Variants in CACNA1D observed in about 807,000 individuals in gnomAD.
CACNA1D encodes calcium voltage-gated channel subunit alpha1 D.
A neutral mutation model predicts 257.1 loss-of-function variants in CACNA1D; 55 were observed. That is an observed-to-expected ratio of 0.21 (90% CI 0.17 to 0.27). The LOEUF (loss-of-function observed/expected upper bound fraction) is 0.27, where lower values mean the gene tolerates loss of function less well. Among genes scored for constraint, CACNA1D ranks in the 10% least tolerant of loss-of-function variants. The pLI, the probability that CACNA1D is intolerant of heterozygous loss-of-function variation, is 1.00. For synonymous variants in CACNA1D, 980 were observed against 1,014.9 expected (o/e 0.97, Z 0.65); for missense variants, 1,876 against 2,784.0 (o/e 0.67, Z 7.34).
At chr3:53,511,183 T>C (rs775472137) in intron 3 of CACNA1D, among the ~76,000 whole-genome samples, 4 of 152,180 alleles carry the variant, frequency 2.6e-5, no homozygotes, top group African/African-American at 4.8e-5. Context: ...TTATGGTGTT[T>C]AGGGTTTGTG....
At chr3:53,806,177 CCCT>C (rs2095564755) in intron 45 of CACNA1D, among the ~76,000 whole-genome samples, 1 of 95,194 alleles carries the variant, frequency 1.1e-5, no homozygotes, top group Non-Finnish European at 2.5e-5. Flanking sequence ...CCCCTCTCCT[CCCT>C]CCTCCTCCCT....
At chr3:53,701,033 A>T (rs2094620405) in intron 8 of CACNA1D, among the ~76,000 whole-genome samples, 1 of 151,746 alleles carries the variant, frequency 6.6e-6, no homozygotes, top group South Asian at 2.1e-4. Flanking sequence ...CCAGTTTCTT[A>T]TCTGAAGTAT....
intron 3 of CACNA1D, among the ~76,000 whole-genome samples, chr3:53,614,201 C>G (rs1026898594): frequency 1.3e-5 from 2 of 151,848 alleles, no homozygotes; most frequent in Admixed American, 1.3e-4. Flanking sequence ...GACATCGTCC[C>G]GGGGCTGAGA....
intron 20 of CACNA1D, among the ~76,000 whole-genome samples, chr3:53,738,729 A>C (rs928111060): frequency 1.3e-5 from 2 of 152,052 alleles, no homozygotes; most frequent in East Asian, 3.9e-4. Context: ...AGTGTTTTGT[A>C]TGTTTTTTAA....
At chr3:53,614,856 C>A (rs920737002) in intron 3 of CACNA1D, among the ~76,000 whole-genome samples, 1 of 152,184 alleles carries the variant, frequency 6.6e-6, no homozygotes, top group Non-Finnish European at 1.5e-5. Context: ...CCAAGAGTCA[C>A]CATACTCCTT....
rs748013427 is a variant in CACNA1D at position 53,772,907 on chromosome 3, C to T, written c.4110+9C>T. 6.2e-7 allele frequency: 1 copy of T among 1,612,872 alleles called. No homozygotes were observed. The highest frequency in any genetic ancestry group is 8.5e-7 in the Non-Finnish European group (1 of 1,179,004). Reference sequence around the variant, plus strand: ...CGGTCATTGGCATGCAGGTAAGCTCCAGCCATCTCGCCCTCAGGGGCCCTT... The same window carrying T: ...CGGTCATTGGCATGCAGGTAAGCTCTAGCCATCTCGCCCTCAGGGGCCCTT... On this transcript the variant is annotated intron_variant, in intron 33 of 47. Transcript: ENST00000350061.
intron 37 of CACNA1D, among the ~76,000 whole-genome samples, chr3:53,777,347 G>A (rs2095403487): frequency 6.6e-6 from 1 of 152,204 alleles, no homozygotes; most frequent in Non-Finnish European, 1.5e-5. Flanking sequence ...GAAGGCCCCA[G>A]GTACAAGCTG....
At chr3:53,731,187 T>C (rs2094988592) in intron 17 of CACNA1D, 41 bp downstream of exon 17, 1 of 1,166,064 alleles carries the variant, frequency 8.6e-7, no homozygotes, top group African/African-American at 1.5e-5. Context: ...TGTTTCAAAA[T>C]GATCCTGTTG....
chr3:53,782,256 G>GTATATA (rs1219704709), intron 39 of CACNA1D: 1 of 56,148 alleles, frequency 1.8e-5, no homozygotes, highest in African/African-American at 8.3e-5. Context: ...GTGTGTGTGT[G>GTATATA]TGTGTGTGTA....
At chr3:53,532,346 C>T (rs1229540623) in intron 3 of CACNA1D, among the ~76,000 whole-genome samples, 1 of 152,160 alleles carries the variant, frequency 6.6e-6, no homozygotes, top group East Asian at 1.9e-4. Context: ...TGATTATTCT[C>T]AGTTATGGAG....
At chr3:53,668,501 G>A (rs1217549142) in intron 7 of CACNA1D, among the ~76,000 whole-genome samples, 6 of 152,158 alleles carry the variant, frequency 3.9e-5, no homozygotes, top group Non-Finnish European at 7.3e-5. Flanking sequence ...AAATTACACA[G>A]CATCTTTATT....
At position 53,538,141 on chromosome 3, in the gene CACNA1D, GTT is replaced by G. The variant is rs538996336; in HGVS notation, c.483+36446_483+36447del. Among the ~76,000 whole-genome samples the G allele has an allele frequency of 1.9e-3, 171 of 90,440 alleles. 1 individual carries two copies. Among genetic ancestry groups the G allele is most frequent in the African/African-American group, 9.7e-3 (161 of 16,646 alleles). 59.3% of individuals were successfully genotyped at this position (90,440 alleles called of 152,430 possible). A position where few individuals can be genotyped will look rare whatever the true frequency, so the allele number is the denominator to read the frequency against. On this transcript the variant is annotated intron_variant, in intron 3 of 47. Coordinates refer to ENST00000350061, the MANE Select transcript of CACNA1D (RefSeq NM_001128840.3). ...TTCTCCATATTTACCAGTTTTTGAA[GTT>G]TTTTTTTTTTTTTTTTTTTTTTTTG... is the stretch of plus-strand genomic sequence containing the variant.
intron 3 of CACNA1D, among the ~76,000 whole-genome samples, chr3:53,625,274 G>C (rs973198580): frequency 1.3e-5 from 2 of 152,164 alleles, no homozygotes; most frequent in Admixed American, 1.3e-4. Context: ...GATGCTGGTG[G>C]GATGGACTAC....
At position 53,805,040 on chromosome 3, in the gene CACNA1D, C is replaced by T. The variant is rs189057793; in HGVS notation, c.5643C>T (p.Pro1881=). Residue 1881 remains proline, a synonymous_variant, in exon 45 of 48, where the codon CCC becomes CCT. Transcript: ENST00000350061. ...GCAGAAACATCGACTCTGAGAGGCCCCGAGGCTACCATCATCCCCAAGGAT... is the reference window on the plus strand; with the variant it reads ...GCAGAAACATCGACTCTGAGAGGCCTCGAGGCTACCATCATCCCCAAGGAT... ...YPGRNIDSER[P]RGYHHPQGFL... 321 of 1,614,132 alleles carry T rather than the reference C, an allele frequency of 2.0e-4. No individual in the cohort carries two copies. The highest frequency in any genetic ancestry group is 2.5e-4 in the Non-Finnish European group (296 of 1,180,006).
chr3:53,667,735 A>G (rs2094281925), intron 7 of CACNA1D, among the ~76,000 whole-genome samples: 1 of 152,160 alleles, frequency 6.6e-6, no homozygotes, highest in African/African-American at 2.4e-5. Context: ...AAGTCAGTCT[A>G]GTTTGATCAG....
At chr3:53,701,036 T>C (rs892104087) in intron 8 of CACNA1D, among the ~76,000 whole-genome samples, 4 of 152,072 alleles carry the variant, frequency 2.6e-5, no homozygotes, top group African/African-American at 9.7e-5. Context: ...GTTTCTTATC[T>C]GAAGTATTAG....
At chr3:53,544,313 A>T (rs1311649657) in intron 3 of CACNA1D, among the ~76,000 whole-genome samples, 3 of 152,198 alleles carry the variant, frequency 2.0e-5, no homozygotes, top group African/African-American at 7.2e-5. Context: ...TAGAAATTAT[A>T]TAGTACAATA....
chr3:53,811,017 C>T lies in CACNA1D; in HGVS notation c.6193-96C>T. ...AGCTGCATCCCCAAAGCACACGGTGCAGTTAAGTTAGCACTGGAGTTGATT... is the reference window on the plus strand; with the variant it reads ...AGCTGCATCCCCAAAGCACACGGTGTAGTTAAGTTAGCACTGGAGTTGATT... On this transcript the variant is annotated intron_variant, in intron 47 of 47. Coordinates refer to ENST00000350061, the MANE Select transcript of CACNA1D (RefSeq NM_001128840.3). This position sits in a 1 kb window ranked among gnomAD's most constrained non-coding sequence, Gnocchi z 4.2. 1.1e-6 allele frequency: 1 copy of T among 896,796 alleles called. No individual in the cohort carries two copies. The highest frequency in any genetic ancestry group is 1.9e-6 in the Non-Finnish European group (1 of 527,678). The allele number at this position is 896,796 out of a possible 1,614,324, so 55.6% of individuals were successfully genotyped here. A position where few individuals can be genotyped will look rare whatever the true frequency, so the allele number is the denominator to read the frequency against.
chr3:53,774,547 C>A lies in CACNA1D; in HGVS notation c.4111-40C>A. The A allele has an allele frequency of 8.1e-7, 1 of 1,238,872 alleles. No individual in the cohort carries two copies. The highest frequency in any genetic ancestry group is 1.2e-6 in the Non-Finnish European group (1 of 837,600). The allele number at this position is 1,238,872 out of a possible 1,614,324, so 76.7% of individuals were successfully genotyped here. Reference sequence around the variant, plus strand: ...TCACATACGGATTTTTTTTGCATGACGAAATCTATTCTCTTTTTCCTGACA... The same window carrying A: ...TCACATACGGATTTTTTTTGCATGAAGAAATCTATTCTCTTTTTCCTGACA... On this transcript the variant is annotated intron_variant, in intron 33 of 47. Coordinates refer to ENST00000350061, the MANE Select transcript of CACNA1D (RefSeq NM_001128840.3). The surrounding 1 kb of genome is among the most constrained non-coding windows in gnomAD (Gnocchi z 4.3).
Sources: allele counts gnomAD v4.1 joint callset (sites outside exome capture counted in the v4.1 genomes callset), GRCh38; gene constraint gnomAD v4.1.1; non-coding constraint Gnocchi (gnomAD v3.1); transcripts MANE v1.5; gene names NCBI Gene and HGNC (gene_info 2026-07-23, HGNC 2026-07-21).